Variants in ERGIC2 observed in about 807,000 individuals in gnomAD.
ERGIC2 encodes the protein ERGIC and golgi 2.
ERGIC2 carries 31 observed loss-of-function variants against 52.5 expected under a neutral mutation model. That is an observed-to-expected ratio of 0.59 (90% confidence interval 0.44 to 0.80). ERGIC2 has a LOEUF of 0.80. Ranked by LOEUF, ERGIC2 falls within the 30% of genes least tolerant of loss-of-function variation. The probability of loss-of-function intolerance (pLI) is 0.00; values close to 1 mark genes in which losing one functional copy is unlikely to be tolerated. For missense variants in ERGIC2, 395 were observed against 455.2 expected (o/e 0.87, Z 1.20); for synonymous variants, 129 against 140.6 (o/e 0.92, Z 0.58).
chr12:29,366,953 T>C lies in ERGIC2; in HGVS notation c.263-6A>G, dbSNP rs779361987. On this transcript the variant is annotated splice_region_variant and splice_polypyrimidine_tract_variant and intron_variant, in intron 4 of 13. Transcript: ENST00000360150. The stretch of plus-strand genomic sequence containing the variant: ...CAATACATCCGCTCCAACATCTGCA[T>C]AGAAAAAAGAATTAGAAGTTTTACA... 15 of 1,575,910 alleles carry C rather than the reference T, an allele frequency of 9.5e-6. No individual in the cohort carries two copies. Among genetic ancestry groups the C allele is most frequent in the Admixed American group, 7.1e-5 (4 of 56,638 alleles).
At chr12:29,361,710 C>T (rs1189980119) in intron 5 of ERGIC2, 25 bp from the exon 6 acceptor site, 6 of 1,579,284 alleles carry the variant, frequency 3.8e-6, no homozygotes, top group Middle Eastern at 1.7e-4. Context: ...AACATAATCA[C>T]TAGCATTGTC....
intron 6 of ERGIC2, among the ~76,000 whole-genome samples, chr12:29,360,356 CA>C (rs1180404772): frequency 6.6e-6 from 1 of 151,308 alleles, no homozygotes; most frequent in African/African-American, 2.4e-5. Context: ...AAATAAACTA[CA>C]ATCTATCCAT....
At chr12:29,349,896 T>TG in intron 9 of ERGIC2, 117 bp downstream of exon 9, 1 of 616,574 alleles carries the variant, frequency 1.6e-6, no homozygotes, top group Non-Finnish European at 2.9e-6. Context: ...ATTTATTTTT[T>TG]CCTTTGGATG....
At chr12:29,380,559 G>A (rs1940574389) in intron 1 of ERGIC2, 5 of 152,278 alleles carry the variant, frequency 3.3e-5, no homozygotes, top group Admixed American at 3.3e-4. Context: ...CCGAGGAAAA[G>A]TAGTGACAGT....
At chr12:29,363,916 G>C (rs983940834) in intron 5 of ERGIC2, among the ~76,000 whole-genome samples, 1 of 149,820 alleles carries the variant, frequency 6.7e-6, no homozygotes, top group Admixed American at 6.6e-5. Flanking sequence ...GACTTTTAGA[G>C]GATACATTCA....
At chr12:29,345,743 C>T (rs1247599587) in intron 10 of ERGIC2, among the ~76,000 whole-genome samples, 1 of 151,888 alleles carries the variant, frequency 6.6e-6, no homozygotes. Flanking sequence ...TCTGGGAGTT[C>T]GCGACCAGTC....
At chr12:29,360,307 C>T (rs1214022753) in intron 6 of ERGIC2, among the ~76,000 whole-genome samples, 1 of 151,410 alleles carries the variant, frequency 6.6e-6, no homozygotes, top group African/African-American at 2.4e-5. Flanking sequence ...TATTAGAATT[C>T]TAAAAGCAAT....
chr12:29,360,465 TTA>T (rs1389773811), intron 6 of ERGIC2, among the ~76,000 whole-genome samples: 2 of 148,590 alleles, frequency 1.3e-5, no homozygotes, highest in African/African-American at 4.9e-5. Context: ...ATAGAAATAA[TTA>T]TATGTTTTTA....
At chr12:29,370,563 T>C (rs1425524753) in intron 2 of ERGIC2, among the ~76,000 whole-genome samples, 3 of 152,114 alleles carry the variant, frequency 2.0e-5, no homozygotes, top group Non-Finnish European at 4.4e-5. Context: ...GGATAAATGA[T>C]GAAAGTAAGC....
chr12:29,364,434 T>C (rs568495430), intron 5 of ERGIC2, among the ~76,000 whole-genome samples: 1 of 152,140 alleles, frequency 6.6e-6, no homozygotes, highest in East Asian at 1.9e-4. Flanking sequence ...GCCCAGATCT[T>C]TCACCATATA....
At chr12:29,361,716 T>C in intron 5 of ERGIC2, 31 bp from the exon 6 acceptor site, 2 of 1,571,830 alleles carry the variant, frequency 1.3e-6, no homozygotes, top group South Asian at 1.2e-5. Flanking sequence ...ATCACTAGCA[T>C]TGTCAAATTC....
intron 2 of ERGIC2, among the ~76,000 whole-genome samples, chr12:29,370,788 C>T (rs1209583877): frequency 6.6e-6 from 1 of 152,000 alleles, no homozygotes; most frequent in Non-Finnish European, 1.5e-5. Flanking sequence ...CAAAACTCTC[C>T]TCTACTTGGC....
rs1457033145 is a variant in ERGIC2 at position 29,337,405 on chromosome 12, ATTTTG to A, written c.*3746_*3750del. On this transcript the variant is annotated 3_prime_UTR_variant, in exon 14 of 14. Transcript: ENST00000360150. ...AATGTTTATGCTTGCAATACTAAAT[ATTTTG>A]TTTTTTCTCTCAAGACAAAAAAAAA... 1.6e-5 allele frequency: 2 copies of A among 126,858 alleles called. No individual in the cohort carries two copies. Among genetic ancestry groups the A allele is most frequent in the Non-Finnish European group, 3.1e-5 (2 of 63,662 alleles). 7.9% of individuals were successfully genotyped at this position (126,858 alleles called of 1,614,324 possible).
chr12:29,356,347 G>T (rs769606306), intron 8 of ERGIC2, 35 bp downstream of exon 8: 1 of 1,253,632 alleles, frequency 8.0e-7, no homozygotes, highest in South Asian at 1.2e-5. Flanking sequence ...CTCCAACTTT[G>T]TCTAAAGTAT....
At chr12:29,379,594 G>A (rs1266386356) in intron 1 of ERGIC2, among the ~76,000 whole-genome samples, 3 of 152,084 alleles carry the variant, frequency 2.0e-5, no homozygotes, top group Non-Finnish European at 4.4e-5. Context: ...AATAACAAGA[G>A]CTAACATGCA....
At chr12:29,364,733 A>T (rs1940334525) in intron 5 of ERGIC2, among the ~76,000 whole-genome samples, 1 of 152,070 alleles carries the variant, frequency 6.6e-6, no homozygotes, top group African/African-American at 2.4e-5. Context: ...TAATATCCAG[A>T]ATCTATAAGG....
At chr12:29,353,242 G>A (rs1202451262) in intron 8 of ERGIC2, among the ~76,000 whole-genome samples, 15 of 152,120 alleles carry the variant, frequency 9.9e-5, no homozygotes, top group Admixed American at 7.2e-4. Flanking sequence ...GTTTGGTCTC[G>A]TAAATTCTTC....
chr12:29,373,793 CA>C (rs1940476405), intron 1 of ERGIC2, among the ~76,000 whole-genome samples: 1 of 152,098 alleles, frequency 6.6e-6, no homozygotes, highest in South Asian at 2.1e-4. Flanking sequence ...ATGTCATAGA[CA>C]AAACAGATGA....
chr12:29,352,750 T>G (rs974909393), intron 8 of ERGIC2, among the ~76,000 whole-genome samples: 1 of 152,190 alleles, frequency 6.6e-6, no homozygotes, highest in African/African-American at 2.4e-5. Context: ...TAGGCTGGAT[T>G]TGGTATATAA....
Sources: gnomAD v4.1 joint callset for allele counts (sites outside exome capture counted in the v4.1 genomes callset) on GRCh38, gnomAD v4.1.1 for gene constraint, MANE v1.5 for transcripts, NCBI Gene and HGNC (gene_info 2026-07-23, HGNC 2026-07-21) for gene names.